The following TBC1D20 variants were observed in gnomAD, a reference collection of about 807,000 sequenced individuals.
TBC1D20 encodes TBC1 domain family member 20.
Under a neutral mutation model 41.6 loss-of-function variants are expected in TBC1D20, and 12 were observed. That is an observed-to-expected ratio of 0.29 (90% CI 0.18 to 0.47). The LOEUF (loss-of-function observed/expected upper bound fraction) is 0.47, where lower values mean the gene tolerates loss of function less well. Ranked by LOEUF, TBC1D20 falls within the 20% of genes least tolerant of loss-of-function variation. The probability of loss-of-function intolerance (pLI) is 1.00; values close to 1 mark genes in which losing one functional copy is unlikely to be tolerated. For missense variants in TBC1D20, 421 were observed against 517.4 expected (o/e 0.81, Z 1.81); for synonymous variants, 205 against 204.8 (o/e 1.00, Z -0.01).
At chr20:455,783 T>C (rs983100597) in intron 1 of TBC1D20, among the ~76,000 whole-genome samples, 3 of 150,956 alleles carry the variant, frequency 2.0e-5, no homozygotes, top group African/African-American at 7.3e-5. Flanking sequence ...AAATACAAAA[T>C]TAGCCAGGCG....
At position 440,300 on chromosome 20, in the gene TBC1D20, T is replaced by C. The variant is rs199654293; in HGVS notation, c.716A>G (p.Tyr239Cys). 1.3e-4 allele frequency: 216 copies of C among 1,613,892 alleles called. 2 individuals carry two copies. Among genetic ancestry groups the C allele is most frequent in the Admixed American group, 3.3e-5 (2 of 59,966 alleles). Residue 239 changes from tyrosine (Y) to cysteine (C), a missense_variant, in exon 6 of 8, where the codon TAT (tyrosine) becomes TGT (cysteine). Tyr to Cys is a radical substitution (Grantham distance 194). Transcript: ENST00000354200. ...LSDFRHVVRL[Y>C]DFFLACHPLM... ...TGGGTGGCAGGCCAGGAAGAAGTCATATAACCGCACGACGTGCCTGAAGTC... is the reference window on the plus strand; with the variant it reads ...TGGGTGGCAGGCCAGGAAGAAGTCACATAACCGCACGACGTGCCTGAAGTC...
intron 1 of TBC1D20, among the ~76,000 whole-genome samples, chr20:456,940 T>A (rs1453047469): frequency 1.3e-5 from 2 of 149,858 alleles, no homozygotes; most frequent in Non-Finnish European, 3.0e-5. Context: ...TTAATTTTTT[T>A]TTTTTTTTTT....
At chr20:440,192 A>G (rs2017200199) in intron 6 of TBC1D20, 56 bp downstream of exon 6, 5 of 1,583,648 alleles carry the variant, frequency 3.2e-6, no homozygotes, top group Non-Finnish European at 4.3e-6. Flanking sequence ...AGGGAAAATG[A>G]CCACAGTGGG....
At chr20:447,763 C>T (rs929855408) in intron 2 of TBC1D20, 126 bp downstream of exon 2, 2 of 747,066 alleles carry the variant, frequency 2.7e-6, no homozygotes, top group Non-Finnish European at 1.9e-6. Context: ...CAAGCATTTC[C>T]CAAAACACCC....
At chr20:452,602 G>A (rs960968881) in intron 1 of TBC1D20, among the ~76,000 whole-genome samples, 2 of 152,192 alleles carry the variant, frequency 1.3e-5, no homozygotes, top group Non-Finnish European at 2.9e-5. Context: ...AGGTGACAGA[G>A]CAATACCCTA....
intron 1 of TBC1D20, among the ~76,000 whole-genome samples, chr20:455,106 A>G (rs1014166357): frequency 2.0e-5 from 3 of 152,248 alleles, no homozygotes; most frequent in Non-Finnish European, 4.4e-5. Context: ...CGACAGAAAG[A>G]TAATAGGAGT....
At position 435,764 on chromosome 20, in the gene TBC1D20, G is replaced by C. The variant is rs918805492; in HGVS notation, c.*2822C>G. On this transcript the variant is annotated 3_prime_UTR_variant, in exon 8 of 8. Transcript: ENST00000354200. ...ATGGCAGCTGTGTTGAGATGAAACT[G>C]GACAAAAAGCATAAGGTCTAAACCC... The C allele has an allele frequency of 6.6e-6, 1 of 152,604 alleles. No homozygotes were observed. The highest frequency in any genetic ancestry group is 2.4e-5 in the African/African-American group (1 of 41,554). The allele number at this position is 152,604 out of a possible 1,614,324, so 9.5% of individuals were successfully genotyped here.
chr20:451,543 G>C (rs1427981629), intron 1 of TBC1D20, among the ~76,000 whole-genome samples: 2 of 152,242 alleles, frequency 1.3e-5, no homozygotes, highest in Non-Finnish European at 2.9e-5. Flanking sequence ...GCAAGACTCT[G>C]TCTCAAAAGA....
chr20:454,658 T>A (rs2017511286), intron 1 of TBC1D20, among the ~76,000 whole-genome samples: 1 of 151,206 alleles, frequency 6.6e-6, no homozygotes, highest in African/African-American at 2.4e-5. Context: ...TACATTATTA[T>A]TATTATTATT....
In TBC1D20 at chr20:438,627, G is replaced by C; in HGVS notation, c.1171C>G (p.Leu391Val). The change falls in exon 8 of 8, where the codon CTG (leucine) becomes GTG (valine). Residue 391 changes from leucine (L) to valine (V), a missense_variant. By Grantham distance (32) the Leu-to-Val change is conservative (BLOSUM62 1). Transcript: ENST00000354200. ...AAALAVVKSA[L>V]EWAPKFQLQL... The stretch of plus-strand genomic sequence containing the variant: ...AGCTGAAACTTAGGGGCCCATTCCA[G>C]GGCACTTTTCACCACAGCCAGTGCA... The C allele has an allele frequency of 1.2e-6, 2 of 1,614,218 alleles. No individual in the cohort carries two copies. Among genetic ancestry groups the C allele is most frequent in the Non-Finnish European group, 8.5e-7 (1 of 1,180,036 alleles).
At chr20:461,578 T>C (rs1330679039) in intron 1 of TBC1D20, among the ~76,000 whole-genome samples, 1 of 152,176 alleles carries the variant, frequency 6.6e-6, no homozygotes, top group Non-Finnish European at 1.5e-5. Flanking sequence ...CCCAGCCTGA[T>C]CTCGAAATCC....
chr20:457,832 T>A (rs978895586), intron 1 of TBC1D20, among the ~76,000 whole-genome samples: 1 of 152,224 alleles, frequency 6.6e-6, no homozygotes, highest in Non-Finnish European at 1.5e-5. Flanking sequence ...CTGTACGTTT[T>A]CAAGAGGGGT....
At chr20:461,691 A>C (rs1324454295) in intron 1 of TBC1D20, among the ~76,000 whole-genome samples, 1 of 152,232 alleles carries the variant, frequency 6.6e-6, no homozygotes, top group Non-Finnish European at 1.5e-5. Context: ...ACATTAAAAT[A>C]GGTGGCAGAA....
At chr20:452,022 C>T (rs2017451177) in intron 1 of TBC1D20, among the ~76,000 whole-genome samples, 1 of 152,076 alleles carries the variant, frequency 6.6e-6, no homozygotes, top group African/African-American at 2.4e-5. Context: ...AGTGTACAAG[C>T]AAAAGGCCGG....
At position 441,628 on chromosome 20, in the gene TBC1D20, T is replaced by C. The variant is rs374331583; in HGVS notation, c.586A>G (p.Ile196Val). Reference sequence around the variant, plus strand: ...TGGAGCTCTGGATTCACCTGGTCAATGATGGGCATCAGATAGTTTAATATA... The same window carrying C: ...TGGAGCTCTGGATTCACCTGGTCAACGATGGGCATCAGATAGTTTAATATA... ...KHILNYLMPI[I>V]DQVNPELHDF... The change falls in exon 5 of 8, where the codon ATT becomes GTT. Residue 196 changes from isoleucine (I) to valine (V), a missense_variant. By Grantham distance (29) the Ile-to-Val change is conservative (BLOSUM62 3). Transcript: ENST00000354200. 8 of 1,614,190 alleles carry C rather than the reference T, an allele frequency of 5.0e-6. No homozygotes were observed. Among genetic ancestry groups the C allele is most frequent in the Non-Finnish European group, 6.8e-6 (8 of 1,180,038 alleles).
rs550067818 is a variant in TBC1D20 at position 461,770 on chromosome 20, T to C, written c.70+566A>G. 6.6e-5 allele frequency among the ~76,000 whole-genome samples: 10 copies of C among 152,360 alleles called. No individual in the cohort carries two copies. In the East Asian group the frequency reaches 1.7e-3, roughly 26 times the overall value. On this transcript the variant is annotated intron_variant, in intron 1 of 7. Coordinates refer to ENST00000354200, the MANE Select transcript of TBC1D20 (RefSeq NM_144628.4). The stretch of plus-strand genomic sequence containing the variant: ...CCGGGGAACGCGGAGTGCCTATTAA[T>C]GGGTAAGGGTTTCGTTTTGGAATCA...
At chr20:443,384 G>A (rs974373203) in intron 3 of TBC1D20, among the ~76,000 whole-genome samples, 1 of 152,186 alleles carries the variant, frequency 6.6e-6, no homozygotes, top group Admixed American at 6.5e-5. Flanking sequence ...GCTGCCAGCA[G>A]TAAAAATGCC....
intron 3 of TBC1D20, 40 bp downstream of exon 3, chr20:445,008 TAC>T (rs1173938570): frequency 6.4e-7 from 1 of 1,551,332 alleles, no homozygotes; most frequent in African/African-American, 1.4e-5. Flanking sequence ...CTGGAACAGA[TAC>T]AGTCTTTCCA....
At position 440,286 on chromosome 20, in the gene TBC1D20, C is replaced by A. The variant is rs1385715479; in HGVS notation, c.730G>T (p.Ala244Ser). The A allele has an allele frequency of 1.9e-6, 3 of 1,613,758 alleles. No homozygotes were observed. The highest frequency in any genetic ancestry group is 2.5e-6 in the Non-Finnish European group (3 of 1,179,938). The part of the protein sequence containing the change: ...HVVRLYDFFL[A>S]CHPLMPIYFA... ...TAAATCGGCATCAGTGGGTGGCAGG[C>A]CAGGAAGAAGTCATATAACCGCACG... The change falls in exon 6 of 8, where the codon GCC becomes TCC. Residue 244 changes from alanine to serine, a missense_variant. By Grantham distance (99) the Ala-to-Ser change is moderately conservative. Transcript: ENST00000354200.
Sources: gnomAD v4.1 joint callset for allele counts (sites outside exome capture counted in the v4.1 genomes callset) on GRCh38, gnomAD v4.1.1 for gene constraint, MANE v1.5 for transcripts, NCBI Gene and HGNC (gene_info 2026-07-23, HGNC 2026-07-21) for gene names.